Variants in ROR2 observed in about 807,000 individuals in gnomAD.
ROR2 encodes ROR family WNT receptor 2.
In ROR2, 33 loss-of-function variants were observed where a neutral mutation model predicts 74.9. The observed-to-expected ratio is 0.44, with a 90% CI of 0.33 to 0.59. The LOEUF (loss-of-function observed/expected upper bound fraction) is 0.59. ROR2 is among the 20% of genes least tolerant of loss of function. ROR2 has a pLI of 0.02. For synonymous variants in ROR2, 586 were observed against 558.7 expected (o/e 1.05, Z -0.69); for missense variants, 1,216 against 1,313.8 (o/e 0.93, Z 1.15).
intron 1 of ROR2, among the ~76,000 whole-genome samples, chr9:91,808,090 A>G (rs1827625735): frequency 6.6e-6 from 1 of 150,550 alleles, no homozygotes; most frequent in African/African-American, 2.5e-5. Flanking sequence ...TTCTATAAAC[A>G]CTAAGCGGAA....
intron 1 of ROR2, among the ~76,000 whole-genome samples, chr9:91,856,172 C>T (rs1004025627): frequency 6.6e-6 from 1 of 152,162 alleles, no homozygotes; most frequent in African/African-American, 2.4e-5. Context: ...GCCTGGGCAA[C>T]ATGGCAAGAC....
intron 1 of ROR2, among the ~76,000 whole-genome samples, chr9:91,937,534 G>A (rs1831733498): frequency 6.6e-6 from 1 of 151,992 alleles, no homozygotes. Flanking sequence ...CTTCTCCTCT[G>A]GTCAGAGCCA....
chr9:91,755,092 C>T (rs1335463101), intron 4 of ROR2, among the ~76,000 whole-genome samples: 1 of 152,024 alleles, frequency 6.6e-6, no homozygotes, highest in Non-Finnish European at 1.5e-5. Flanking sequence ...GAGTACAAGA[C>T]TACAGTAAGC....
intron 1 of ROR2, among the ~76,000 whole-genome samples, chr9:91,897,506 G>T (rs779882465): frequency 6.6e-6 from 1 of 151,664 alleles, no homozygotes; most frequent in East Asian, 2.0e-4. Context: ...GGAAAATTTT[G>T]TCATAAGAAC....
intron 1 of ROR2, among the ~76,000 whole-genome samples, chr9:91,829,765 C>A (rs1828405326): frequency 6.6e-6 from 1 of 152,098 alleles, no homozygotes; most frequent in South Asian, 2.1e-4. Context: ...AATCTTCATT[C>A]ATATGAATGT....
At chr9:91,904,053 G>T (rs925117577) in intron 1 of ROR2, among the ~76,000 whole-genome samples, 13 of 76,372 alleles carry the variant, frequency 1.7e-4, no homozygotes, top group East Asian at 1.0e-3. Context: ...TTTTTTTTTG[G>T]GGGGGGGGAC....
chr9:91,759,194 A>T (rs1460373228), intron 2 of ROR2, among the ~76,000 whole-genome samples: 1 of 152,000 alleles, frequency 6.6e-6, no homozygotes, highest in Non-Finnish European at 1.5e-5. Flanking sequence ...GCATCTGTGG[A>T]GGTGGAGGTG....
chr9:91,826,129 G>C (rs2119167141), intron 1 of ROR2, among the ~76,000 whole-genome samples: 1 of 152,238 alleles, frequency 6.6e-6, no homozygotes, highest in Non-Finnish European at 1.5e-5. Context: ...CCTTGGCCAG[G>C]GCTACCCAGG....
intron 1 of ROR2, among the ~76,000 whole-genome samples, chr9:91,827,609 GCAGGGGGTGGGTT>G (rs965533833): frequency 6.6e-6 from 1 of 152,190 alleles, no homozygotes; most frequent in Non-Finnish European, 1.5e-5. Flanking sequence ...GGTCCAAGGA[GCAGGGGGTGGGTT>G]CAGGATGCAT....
At chr9:91,863,629 T>C (rs1168993464) in intron 1 of ROR2, among the ~76,000 whole-genome samples, 1 of 152,212 alleles carries the variant, frequency 6.6e-6, no homozygotes, top group Non-Finnish European at 1.5e-5. Context: ...GGGAACCTTA[T>C]GCTCAGTGAA....
At chr9:91,917,328 C>T (rs985550190) in intron 1 of ROR2, among the ~76,000 whole-genome samples, 3 of 152,128 alleles carry the variant, frequency 2.0e-5, no homozygotes, top group African/African-American at 4.8e-5. Context: ...AACCCAGACA[C>T]GTGCGAGAAG....
At chr9:91,776,920 AG>A (rs1826439879) in intron 1 of ROR2, among the ~76,000 whole-genome samples, 1 of 152,228 alleles carries the variant, frequency 6.6e-6, no homozygotes, top group Non-Finnish European at 1.5e-5. Flanking sequence ...AAGCTTCACT[AG>A]CCCAATTTCC....
At chr9:91,792,035 A>G (rs565517662) in intron 1 of ROR2, among the ~76,000 whole-genome samples, 97 of 152,340 alleles carry the variant, frequency 6.4e-4, no homozygotes, top group Non-Finnish European at 1.0e-3. Flanking sequence ...AAAATTAGAA[A>G]ATACTTTGGG....
chr9:91,758,031 T>C (rs1345996335), intron 2 of ROR2, among the ~76,000 whole-genome samples: 3 of 152,122 alleles, frequency 2.0e-5, no homozygotes, highest in South Asian at 2.1e-4. Context: ...CTGGGGGCCA[T>C]CATAAACAAT....
At chr9:91,852,228 C>T (rs1454122564) in intron 1 of ROR2, among the ~76,000 whole-genome samples, 4 of 152,216 alleles carry the variant, frequency 2.6e-5, no homozygotes, top group South Asian at 2.1e-4. Flanking sequence ...TTGGTGCTAA[C>T]ATTTTCAGTT....
intron 1 of ROR2, among the ~76,000 whole-genome samples, chr9:91,782,014 A>T (rs748389718): frequency 1.3e-5 from 2 of 152,208 alleles, no homozygotes; most frequent in Non-Finnish European, 2.9e-5. Context: ...AGGGGGAGAG[A>T]GGCCACTCAG....
intron 1 of ROR2, among the ~76,000 whole-genome samples, chr9:91,922,729 A>T (rs1238483695): frequency 6.6e-6 from 1 of 152,204 alleles, no homozygotes; most frequent in Non-Finnish European, 1.5e-5. Context: ...CTGTGATTAC[A>T]GGCAGGAGCC....
intron 1 of ROR2, among the ~76,000 whole-genome samples, chr9:91,859,712 C>G (rs1829411392): frequency 6.6e-6 from 1 of 152,080 alleles, no homozygotes; most frequent in Non-Finnish European, 1.5e-5. Context: ...GTAATCCCAG[C>G]TACTTGAGAG....
chr9:91,901,063 C>G (rs534149966), intron 1 of ROR2, among the ~76,000 whole-genome samples: 1 of 152,110 alleles, frequency 6.6e-6, no homozygotes, highest in African/African-American at 2.4e-5. Flanking sequence ...CCAGGAAGGT[C>G]GGGCAGAATC....
Sources: allele counts gnomAD v4.1 joint callset (sites outside exome capture counted in the v4.1 genomes callset), GRCh38; gene constraint gnomAD v4.1.1; transcripts MANE v1.5; gene names NCBI Gene and HGNC (gene_info 2026-07-23, HGNC 2026-07-21).